Variants in DNAH5 observed in about 807,000 individuals in gnomAD.
The protein encoded by DNAH5 is dynein axonemal heavy chain 5.
DNAH5 carries 372 observed loss-of-function variants against 518.2 expected under a neutral mutation model. The observed-to-expected ratio is 0.72, with a 90% CI of 0.66 to 0.78. The LOEUF is 0.78. Among genes scored for constraint, DNAH5 ranks in the 30% least tolerant of loss-of-function variants. DNAH5 has a pLI of 0.00. For missense variants in DNAH5, 5,523 were observed against 5,687.0 expected, an observed-to-expected ratio of 0.97 and a Z score of 0.93; for synonymous variants, 2,039 against 2,025.9, an observed-to-expected ratio of 1.01 and a Z score of -0.17.
chr5:13,992,358 C>T (rs1783616208), intron 1 of DNAH5, among the ~76,000 whole-genome samples: 1 of 152,162 alleles, frequency 6.6e-6, no homozygotes, highest in Admixed American at 6.5e-5. Context: ...TTAAGAAATT[C>T]AGAAACAGAT....
At position 13,964,327 on chromosome 5, in the gene DNAH5, G is replaced by A. The variant is rs116764207; in HGVS notation, c.13-33083C>T. 4.8e-3 allele frequency among the ~76,000 whole-genome samples: 733 copies of A among 152,302 alleles called. 4 individuals are homozygous for A. The highest frequency in any genetic ancestry group is 0.017 in the African/African-American group (696 of 41,566). ...CTCCTCCACGGTTGCAAGTGACTGG[G>A]TGAGTCTCTCCTGAGTCTCAGACCT... On this transcript the variant is annotated intron_variant, in intron 1 of 78. Coordinates refer to the DNAH5 transcript ENST00000681290.
intron 24 of DNAH5, among the ~76,000 whole-genome samples, chr5:13,868,722 G>T (rs1026111832): frequency 6.6e-6 from 1 of 152,160 alleles, no homozygotes; most frequent in African/African-American, 2.4e-5. Context: ...CCCTCTCCGT[G>T]GAGGCATGCC....
chr5:13,991,543 GGGAGGAGGAAGAGGA>G (rs1375418664), intron 1 of DNAH5, among the ~76,000 whole-genome samples: 13 of 146,958 alleles, frequency 8.8e-5, no homozygotes, highest in Middle Eastern at 6.9e-3. Context: ...GGAGGGGAGG[GGGAGGAGGAAGAGGA>G]GGAGGAGGAA....
chr5:13,737,168 C>T (rs1747612830), intron 66 of DNAH5, 84 bp downstream of exon 66: 1 of 1,579,680 alleles, frequency 6.3e-7, no homozygotes, highest in Non-Finnish European at 8.7e-7. Context: ...TTGTATAACT[C>T]CCTCACATCC....
chr5:13,999,630 T>C (rs78579822), intron 1 of DNAH5, among the ~76,000 whole-genome samples: 2,096 of 152,364 alleles, frequency 0.014, 47 homozygotes, highest in African/African-American at 0.048. Context: ...TCAGCTATTG[T>C]AAATACTGCT....
intron 70 of DNAH5, among the ~76,000 whole-genome samples, chr5:13,722,042 G>A (rs1205423522): frequency 6.6e-6 from 1 of 151,984 alleles, no homozygotes; most frequent in Non-Finnish European, 1.5e-5. Flanking sequence ...CCTTAGATGG[G>A]TAAAACCCAA....
intron 76 of DNAH5, 109 bp from the exon 77 acceptor site, chr5:13,701,545 TA>T (rs1312641323): frequency 8.8e-7 from 1 of 1,136,854 alleles, no homozygotes; most frequent in Non-Finnish European, 1.3e-6. Flanking sequence ...TTCACTTTTA[TA>T]ATGAAAAAAG....
chr5:13,984,099 G>T (rs892334112), intron 1 of DNAH5, among the ~76,000 whole-genome samples: 3 of 152,138 alleles, frequency 2.0e-5, no homozygotes, highest in Admixed American at 6.5e-5. Context: ...AAGCAGGAGA[G>T]GGGGGCAGAG....
chr5:13,806,328 T>C (rs1366200883), intron 47 of DNAH5, among the ~76,000 whole-genome samples: 1 of 152,190 alleles, frequency 6.6e-6, no homozygotes, highest in Non-Finnish European at 1.5e-5. Context: ...ATGGTATTTA[T>C]TTGATAGAAA....
chr5:13,942,654 C>T (rs1334458082), intron 1 of DNAH5, among the ~76,000 whole-genome samples: 1 of 152,100 alleles, frequency 6.6e-6, no homozygotes, highest in Non-Finnish European at 1.5e-5. Flanking sequence ...CACGTGCTGT[C>T]TCATCCCCCT....
chr5:13,948,162 G>C (rs1425937546), upstream of DNAH5, among the ~76,000 whole-genome samples: 2 of 152,200 alleles, frequency 1.3e-5, no homozygotes, highest in African/African-American at 2.4e-5. Flanking sequence ...CTTCTGGGAA[G>C]ATCCAGAAAA....
Position 13,843,643 on chromosome 5 carries a change from C to G in DNAH5, c.5271+1194G>C, listed in dbSNP as rs993070949. Among the ~76,000 whole-genome samples the G allele has an allele frequency of 3.3e-5, 5 of 152,198 alleles. No individual in the cohort carries two copies. In the South Asian group the frequency reaches 1.0e-3, roughly 32 times the overall value. On this transcript the variant is annotated intron_variant, in intron 32 of 78. Transcript: ENST00000265104. ...GAAACTAATACACTCCCTCACACATCCACGCTGCTGACATCCTGGGCTTCC... is the reference window on the plus strand; with the variant it reads ...GAAACTAATACACTCCCTCACACATGCACGCTGCTGACATCCTGGGCTTCC...
intron 1 of DNAH5, among the ~76,000 whole-genome samples, chr5:13,941,653 G>T (rs529683970): frequency 5.7e-4 from 87 of 152,308 alleles, no homozygotes; most frequent in African/African-American, 2.0e-3. Context: ...CTGCCCTCCT[G>T]CAGAGCTTCT....
At chr5:14,011,492 C>A (rs1157075841) in intron 1 of DNAH5, among the ~76,000 whole-genome samples, 5 of 152,138 alleles carry the variant, frequency 3.3e-5, no homozygotes, top group Non-Finnish European at 5.9e-5. Flanking sequence ...TGCTTTTGGC[C>A]CCCAAACTCT....
rs966256073 is a variant in DNAH5, at chr5:13,754,200, T to C, written c.10555+3A>G. On this transcript the variant is annotated splice_donor_region_variant and intron_variant, in intron 62 of 78. Coordinates refer to ENST00000265104, the MANE Select transcript of DNAH5 (RefSeq NM_001369.3). ...AATCTCATTAATAAAGAAATTTACA[T>C]ACCTACAAGTCTTTTAGTTTGTGCA... 6 of 1,613,956 alleles carry C rather than the reference T, an allele frequency of 3.7e-6. No individual in the cohort carries two copies. The African/African-American group carries it at 4.0e-5, about 11-fold the overall frequency.
chr5:13,884,907 C>T, intron 19 of DNAH5, 82 bp downstream of exon 19: 1 of 1,554,970 alleles, frequency 6.4e-7, no homozygotes, highest in Non-Finnish European at 8.7e-7. Context: ...CATGCACGTG[C>T]ACACGTGCAC....
rs111334950 is a variant in DNAH5 at position 13,849,335 on chromosome 5, G to A, written c.5114+1317C>T. The stretch of plus-strand genomic sequence containing the variant: ...ATGGAGGATTCATTGAAATGTATGC[G>A]GTGATTCCATTCCCTTAGTTCCCTG... On this transcript the variant is annotated intron_variant, in intron 31 of 78. Transcript: ENST00000265104. Among the ~76,000 whole-genome samples, 558 of 152,312 alleles carry A rather than the reference G, an allele frequency of 3.7e-3. 4 individuals carry two copies. Among genetic ancestry groups the A allele is most frequent in the African/African-American group, 0.013 (530 of 41,566 alleles).
At chr5:13,830,844 G>T in intron 35 of DNAH5, 69 bp from the exon 36 acceptor site, 1 of 1,478,172 alleles carries the variant, frequency 6.8e-7, no homozygotes, top group Non-Finnish European at 9.4e-7. Context: ...ACATCACAGT[G>T]GCATGAAACG....
At chr5:13,879,727 T>C (rs1771380796) in intron 21 of DNAH5, among the ~76,000 whole-genome samples, 1 of 151,040 alleles carries the variant, frequency 6.6e-6, no homozygotes, top group African/African-American at 2.4e-5. Flanking sequence ...AACAGTGGAT[T>C]CAAAGAGAGG....
Sources: gnomAD v4.1 joint callset for allele counts (sites outside exome capture counted in the v4.1 genomes callset) on GRCh38, gnomAD v4.1.1 for gene constraint, MANE v1.5 for transcripts, NCBI Gene and HGNC (gene_info 2026-07-23, HGNC 2026-07-21) for gene names.